The following BSN variants were observed in gnomAD, a reference collection of about 807,000 sequenced individuals.
BSN encodes bassoon presynaptic cytomatrix protein, also known as protein bassoon.
Under a neutral mutation model 264.8 loss-of-function variants are expected in BSN, and 57 were observed. That is an observed-to-expected ratio of 0.22 (90% confidence interval 0.17 to 0.27). BSN has a LOEUF of 0.27. BSN is among the 10% of genes least tolerant of loss of function. The pLI is 1.00. For missense variants in BSN, 4,615 were observed against 5,232.5 expected, an observed-to-expected ratio of 0.88 and a Z score of 3.64; for synonymous variants, 2,059 against 2,137.3, an observed-to-expected ratio of 0.96 and a Z score of 1.01.
intron 1 of BSN, among the ~76,000 whole-genome samples, chr3:49,570,365 T>A (rs1363450759): frequency 1.3e-5 from 2 of 152,152 alleles, no homozygotes; most frequent in African/African-American, 4.8e-5. Flanking sequence ...TTTGCCACTT[T>A]GCCTGCCTCC....
At chr3:49,634,055 A>G (rs1247795358) in intron 2 of BSN, among the ~76,000 whole-genome samples, 2 of 152,168 alleles carry the variant, frequency 1.3e-5, no homozygotes, top group Non-Finnish European at 2.9e-5. Context: ...AATACAAAAA[A>G]AAATTAGCGG....
At position 49,670,433 on chromosome 3, in the gene BSN, T is replaced by G. The variant is rs1421264463; in HGVS notation, c.*2948T>G. 6.6e-6 allele frequency: 1 copy of G among 152,338 alleles called. No individual in the cohort carries two copies. Among genetic ancestry groups the G allele is most frequent in the East Asian group, 1.9e-4 (1 of 5,202 alleles). 9.4% of individuals were successfully genotyped at this position (152,338 alleles called of 1,614,324 possible). A position where few individuals can be genotyped will look rare whatever the true frequency, so the allele number is the denominator to read the frequency against. On this transcript the variant is annotated 3_prime_UTR_variant, in exon 12 of 12. Coordinates refer to ENST00000296452, the MANE Select transcript of BSN (RefSeq NM_003458.4). ...TGGCCAAGCCCTCTGAGTTTGAAAT[T>G]CTGACATCTGCCACTCCTCATCCCC...
intron 1 of BSN, among the ~76,000 whole-genome samples, chr3:49,589,947 C>G (rs1216227805): frequency 6.6e-6 from 1 of 151,732 alleles, no homozygotes; most frequent in Non-Finnish European, 1.5e-5. Context: ...AAGTGATTCT[C>G]CTGCCTCAGC....
At chr3:49,569,747 A>G (rs893311209) in intron 1 of BSN, among the ~76,000 whole-genome samples, 8 of 152,228 alleles carry the variant, frequency 5.3e-5, no homozygotes, top group Non-Finnish European at 8.8e-5. Context: ...GTCAGAGATG[A>G]AGCTCAGGCC....
Position 49,656,435 on chromosome 3 carries a change from TG to T in BSN, c.6884del (p.Gly2295AlafsTer9). ...KPAAAKAPGA[G>X]GPSRPEMPVG... ...CTGCTGCTGCCAAGGCCCCTGGGGC[TG>T]GGGGCCCTTCAAGGCCAGAGATGCC... On this transcript the variant is annotated frameshift_variant, in exon 5 of 12. Coordinates refer to ENST00000296452, the MANE Select transcript of BSN (RefSeq NM_003458.4). LOFTEE classifies it high-confidence loss of function. 2.5e-6 allele frequency: 4 copies of T among 1,592,542 alleles called. No homozygotes were observed. Among genetic ancestry groups the T allele is most frequent in the Admixed American group, 3.5e-5 (2 of 57,906 alleles).
chr3:49,664,585 G>C (rs2052697318), intron 9 of BSN, 31 bp downstream of exon 9: 2 of 1,570,038 alleles, frequency 1.3e-6, no homozygotes, highest in Non-Finnish European at 8.6e-7. Context: ...GTCTGTGGTG[G>C]GTGGCTACTC....
chr3:49,650,272 G>C (rs561895858), intron 3 of BSN, among the ~76,000 whole-genome samples: 1 of 152,208 alleles, frequency 6.6e-6, no homozygotes, highest in Admixed American at 6.5e-5. Context: ...TGCTCCCTCA[G>C]ATTGAGACCT....
chr3:49,658,993 G>C (rs1367461498), intron 5 of BSN, among the ~76,000 whole-genome samples: 2 of 152,194 alleles, frequency 1.3e-5, no homozygotes, highest in African/African-American at 4.8e-5. Context: ...GAGGTTTTAG[G>C]CATGTGAGAT....
intron 1 of BSN, among the ~76,000 whole-genome samples, chr3:49,618,698 C>T (rs2052280615): frequency 6.6e-6 from 1 of 152,190 alleles, no homozygotes; most frequent in Non-Finnish European, 1.5e-5. Flanking sequence ...ATGCTGTTGC[C>T]TCTGCCTAGC....
At chr3:49,659,977 G>T (rs1340147072) in intron 5 of BSN, among the ~76,000 whole-genome samples, 1 of 152,068 alleles carries the variant, frequency 6.6e-6, no homozygotes, top group Admixed American at 6.5e-5. Context: ...GCCACGATTG[G>T]CATACAATCT....
rs768305723 is a variant in BSN, at chr3:49,655,764, G to C, written c.6208G>C (p.Asp2070His). The change falls in exon 5 of 12, where the codon GAC becomes CAC. Residue 2070 changes from aspartate (D) to histidine (H), a missense_variant. By Grantham distance (81) the Asp-to-His change is moderately conservative. Coordinates refer to ENST00000296452, the MANE Select transcript of BSN (RefSeq NM_003458.4). ...RYSSVSNIYSDHRYGPRGDAV... is the reference protein window; with the variant it reads ...RYSSVSNIYSHHRYGPRGDAV... The stretch of plus-strand genomic sequence containing the variant: ...TAGCTCAGTGTCGAACATCTACTCA[G>C]ACCACAGGTACGGCCCACGGGGAGA... The C allele has an allele frequency of 1.2e-6, 2 of 1,613,374 alleles. No individual in the cohort carries two copies. The highest frequency in any genetic ancestry group is 1.7e-6 in the Non-Finnish European group (2 of 1,180,046).
intron 1 of BSN, among the ~76,000 whole-genome samples, chr3:49,603,974 A>C (rs1575434554): frequency 6.6e-6 from 1 of 152,078 alleles, no homozygotes; most frequent in South Asian, 2.1e-4. Flanking sequence ...TACTTGGCCT[A>C]ATGTTTTTAA....
At chr3:49,607,256 G>C (rs1389297603) in intron 1 of BSN, among the ~76,000 whole-genome samples, 1 of 152,208 alleles carries the variant, frequency 6.6e-6, no homozygotes, top group Non-Finnish European at 1.5e-5. Flanking sequence ...TCAAGCCAGG[G>C]AAGGAAGAAA....
chr3:49,563,993 G>A (rs775539853), intron 1 of BSN, among the ~76,000 whole-genome samples: 5 of 152,116 alleles, frequency 3.3e-5, no homozygotes, highest in Non-Finnish European at 5.9e-5. Context: ...TACCTGCCAC[G>A]TGCCAGGGCT....
intron 1 of BSN, among the ~76,000 whole-genome samples, chr3:49,588,049 G>A (rs1417938428): frequency 6.6e-6 from 1 of 151,806 alleles, no homozygotes; most frequent in African/African-American, 2.4e-5. Context: ...AGCCTCCCAA[G>A]TAGCTGGGAT....
intron 1 of BSN, among the ~76,000 whole-genome samples, chr3:49,587,887 T>TTTTTCTTTCCTTTTCTTTTC (rs2051947795): frequency 8.2e-6 from 1 of 121,598 alleles, no homozygotes; most frequent in African/African-American, 3.0e-5. Context: ...AAAGTTGGGG[T>TTTTTCTTTCCTTTTCTTTTC]TTTTCTTTTC....
chr3:49,559,278 A>G (rs971747206), intron 1 of BSN, among the ~76,000 whole-genome samples: 1 of 152,186 alleles, frequency 6.6e-6, no homozygotes, highest in Non-Finnish European at 1.5e-5. Flanking sequence ...TTTCAAACAT[A>G]CATGAAAGTA....
intron 1 of BSN, among the ~76,000 whole-genome samples, chr3:49,573,728 G>A (rs1284635311): frequency 6.6e-6 from 1 of 151,298 alleles, no homozygotes; most frequent in Non-Finnish European, 1.5e-5. Context: ...CGCAATCTTG[G>A]CTCACCACAA....
chr3:49,576,155 A>G (rs1030665327), intron 1 of BSN, among the ~76,000 whole-genome samples: 4 of 152,000 alleles, frequency 2.6e-5, no homozygotes, highest in African/African-American at 9.7e-5. Context: ...TCCCAGGTGA[A>G]TCTCCAAGTA....
Sources: allele counts gnomAD v4.1 joint callset (sites outside exome capture counted in the v4.1 genomes callset), GRCh38; gene constraint gnomAD v4.1.1; transcripts MANE v1.5; gene names NCBI Gene and HGNC (gene_info 2026-07-23, HGNC 2026-07-21).